Variants in ZEB2 observed in about 807,000 individuals in gnomAD.
ZEB2 encodes zinc finger E-box binding homeobox 2, also known as zinc finger E-box-binding homeobox 2.
Under a neutral mutation model 99.9 loss-of-function variants are expected in ZEB2, and 6 were observed. The ratio of observed to expected loss-of-function variants is 0.06; its 90% CI spans 0.03 to 0.12. The LOEUF is 0.12. Ranked by LOEUF, ZEB2 falls within the 10% of genes least tolerant of loss-of-function variation. The pLI is 1.00. For missense variants in ZEB2, 969 were observed against 1,502.8 expected, an observed-to-expected ratio of 0.64 and a Z score of 5.87; for synonymous variants, 517 against 542.5, an observed-to-expected ratio of 0.95 and a Z score of 0.65.
At chr2:144,513,020 G>C (rs926210320) in intron 2 of ZEB2, 4 of 1,287,090 alleles carry the variant, frequency 3.1e-6, no homozygotes, top group Non-Finnish European at 4.0e-6. Flanking sequence ...GACTGACAGT[G>C]ATCCGAAGGA....
At chr2:144,408,120 G>T (rs1204866128) in intron 4 of ZEB2, among the ~76,000 whole-genome samples, 2 of 152,170 alleles carry the variant, frequency 1.3e-5, no homozygotes, top group African/African-American at 4.8e-5. Context: ...TCTATGTCAA[G>T]TGTGATGGGG....
chr2:144,517,243 T>G (rs1425530453), intron 2 of ZEB2, 35 bp downstream of exon 2: 1 of 1,612,686 alleles, frequency 6.2e-7, no homozygotes, highest in East Asian at 2.2e-5. Context: ...AGCCGCGTAG[T>G]GGCCCGGAAA....
At chr2:144,396,365 T>C in intron 9 of ZEB2, 47 bp downstream of exon 9, 1 of 1,602,664 alleles carries the variant, frequency 6.2e-7, no homozygotes, top group South Asian at 1.1e-5. Flanking sequence ...TTATGAAATG[T>C]ACAGCAGGAC....
At chr2:144,514,545 G>A (rs1227729008) in intron 2 of ZEB2, 1 of 152,190 alleles carries the variant, frequency 6.6e-6, no homozygotes, top group Non-Finnish European at 1.5e-5. Flanking sequence ...AATCCACTCA[G>A]TTCAGATAAA....
intron 6 of ZEB2, 115 bp from the exon 7 acceptor site, chr2:144,401,422 G>T: frequency 1.1e-6 from 1 of 913,768 alleles, no homozygotes. Flanking sequence ...TTGAGTGCAT[G>T]CTTATTTATC....
At chr2:144,457,376 A>G (rs1704134590) in intron 2 of ZEB2, among the ~76,000 whole-genome samples, 1 of 152,190 alleles carries the variant, frequency 6.6e-6, no homozygotes, top group South Asian at 2.1e-4. Context: ...TGACTCCAGA[A>G]ACTATTTGTC....
chr2:144,473,233 C>G (rs990591309), intron 2 of ZEB2, among the ~76,000 whole-genome samples: 4 of 152,140 alleles, frequency 2.6e-5, no homozygotes, highest in Non-Finnish European at 5.9e-5. Flanking sequence ...CAAAAATAAC[C>G]ATGGGGTTCC....
At chr2:144,466,429 T>C (rs931966048) in intron 2 of ZEB2, among the ~76,000 whole-genome samples, 4 of 152,168 alleles carry the variant, frequency 2.6e-5, no homozygotes, top group Non-Finnish European at 5.9e-5. Context: ...TTTCTTTATA[T>C]GAAAAACGAA....
intron 2 of ZEB2, among the ~76,000 whole-genome samples, chr2:144,505,221 G>A (rs549060777): frequency 1.4e-5 from 2 of 147,986 alleles, no homozygotes; most frequent in Non-Finnish European, 3.0e-5. Context: ...AAAGTGAAAA[G>A]TAAGAGGTAA....
intron 2 of ZEB2, among the ~76,000 whole-genome samples, chr2:144,453,865 T>C (rs1286093502): frequency 2.0e-5 from 3 of 152,226 alleles, no homozygotes; most frequent in Non-Finnish European, 2.9e-5. Flanking sequence ...CAAAGGTATC[T>C]GCCATTTAGG....
chr2:144,505,695 GAGGT>G (rs1264656521), intron 2 of ZEB2, among the ~76,000 whole-genome samples: 1 of 152,158 alleles, frequency 6.6e-6, no homozygotes, highest in Non-Finnish European at 1.5e-5. Context: ...TGTCCCAGAG[GAGGT>G]GTTTGTTCAA....
At chr2:144,436,262 T>G (rs1191696930) in intron 2 of ZEB2, among the ~76,000 whole-genome samples, 2 of 152,200 alleles carry the variant, frequency 1.3e-5, no homozygotes, top group East Asian at 3.8e-4. Flanking sequence ...TTGTTATAAA[T>G]AATTATTGTT....
chr2:144,431,631 T>C (rs904700338), intron 2 of ZEB2, among the ~76,000 whole-genome samples: 3 of 151,890 alleles, frequency 2.0e-5, no homozygotes, highest in Non-Finnish European at 4.4e-5. Flanking sequence ...CCACAAGGGC[T>C]TAGGCAAGTT....
chr2:144,511,569 A>G (rs1156261818), intron 2 of ZEB2: 19 of 1,279,656 alleles, frequency 1.5e-5, no homozygotes, highest in Admixed American at 2.4e-5. Context: ...ATGAAGAAAT[A>G]CTTGGATCTT....
intron 2 of ZEB2, among the ~76,000 whole-genome samples, chr2:144,486,362 A>C (rs1704597173): frequency 1.1e-5 from 1 of 89,520 alleles, no homozygotes; most frequent in African/African-American, 3.9e-5. Context: ...CAAATAAGGT[A>C]CTAGAAGGTT....
chr2:144,495,739 G>A (rs1458284588), intron 2 of ZEB2: 1 of 152,138 alleles, frequency 6.6e-6, no homozygotes, highest in Non-Finnish European at 1.5e-5. Context: ...CACTTCACTG[G>A]GCACCCAGCA....
At chr2:144,513,541 T>C (rs1220609203) in intron 2 of ZEB2, 1 of 1,528,684 alleles carries the variant, frequency 6.5e-7, no homozygotes, top group Non-Finnish European at 8.7e-7. Flanking sequence ...AACAAGCAGT[T>C]TCCGGATTTG....
chr2:144,486,156 C>T (rs1256153165), intron 2 of ZEB2, among the ~76,000 whole-genome samples: 1 of 152,094 alleles, frequency 6.6e-6, no homozygotes, highest in Admixed American at 6.6e-5. Flanking sequence ...CCTGAGTTTA[C>T]AAAATTTTAT....
chr2:144,419,816 T>G (rs768564288), intron 4 of ZEB2, among the ~76,000 whole-genome samples: 2 of 152,240 alleles, frequency 1.3e-5, no homozygotes, highest in African/African-American at 4.8e-5. Flanking sequence ...GGTGAACTTA[T>G]GCAATGTGGA....
Sources: gnomAD v4.1 joint callset for allele counts (sites outside exome capture counted in the v4.1 genomes callset) on GRCh38, gnomAD v4.1.1 for gene constraint, MANE v1.5 for transcripts, NCBI Gene and HGNC (gene_info 2026-07-23, HGNC 2026-07-21) for gene names.